FBXO42: variants seen among roughly 807,000 people sequenced by gnomAD.
FBXO42 encodes the protein F-box only protein 42.
FBXO42 carries 12 observed loss-of-function variants against 71.7 expected under a neutral mutation model. The ratio of observed to expected loss-of-function variants is 0.17; its 90% CI spans 0.11 to 0.27. The LOEUF is 0.27. FBXO42 is among the 10% of genes least tolerant of loss of function. FBXO42 has a pLI of 1.00. For missense variants in FBXO42, 707 were observed against 911.9 expected (o/e 0.78, Z 2.89); for synonymous variants, 325 against 327.5 (o/e 0.99, Z 0.08).
intron 3 of FBXO42, among the ~76,000 whole-genome samples, chr1:16,297,529 C>T (rs1479997994): frequency 6.6e-6 from 1 of 152,136 alleles, no homozygotes; most frequent in Non-Finnish European, 1.5e-5. Context: ...TAGGCTCACA[C>T]CTGCAAAATA....
chr1:16,309,376 C>A (rs2082289336), intron 2 of FBXO42, among the ~76,000 whole-genome samples: 2 of 151,648 alleles, frequency 1.3e-5, no homozygotes, highest in Admixed American at 1.3e-4. Context: ...CGCGCCTGGC[C>A]AACCCCATCT....
chr1:16,270,853 A>C (rs1177540820), intron 4 of FBXO42, among the ~76,000 whole-genome samples: 2 of 151,622 alleles, frequency 1.3e-5, no homozygotes, highest in African/African-American at 4.8e-5. Flanking sequence ...GCAGTGACTA[A>C]AACAGACAAA....
intron 3 of FBXO42, among the ~76,000 whole-genome samples, chr1:16,295,304 T>C (rs988639130): frequency 3.3e-5 from 5 of 152,304 alleles, no homozygotes; most frequent in African/African-American, 1.2e-4. Flanking sequence ...ATGTACTCTG[T>C]CCTCCCATTC....
At chr1:16,325,405 C>CA (rs202228189) in intron 1 of FBXO42, among the ~76,000 whole-genome samples, 36 of 148,858 alleles carry the variant, frequency 2.4e-4, no homozygotes, top group African/African-American at 4.9e-4. Flanking sequence ...ATGTTTTGAC[C>CA]AAAAAAAAAG....
At chr1:16,310,013 G>A (rs1187617069) in intron 2 of FBXO42, among the ~76,000 whole-genome samples, 1 of 151,926 alleles carries the variant, frequency 6.6e-6, no homozygotes, top group Non-Finnish European at 1.5e-5. Context: ...GGCTAACACA[G>A]TGAAACCCCG....
intron 3 of FBXO42, among the ~76,000 whole-genome samples, chr1:16,295,134 A>G (rs2082115454): frequency 6.6e-6 from 1 of 152,226 alleles, no homozygotes; most frequent in Non-Finnish European, 1.5e-5. Context: ...ATTTCTGAGC[A>G]CACTAAGCAA....
At chr1:16,348,173 C>T (rs1401098408) in intron 1 of FBXO42, among the ~76,000 whole-genome samples, 1 of 152,074 alleles carries the variant, frequency 6.6e-6, no homozygotes, top group Non-Finnish European at 1.5e-5. Context: ...CCATCAGCCG[C>T]AACTTTAGAT....
At chr1:16,312,835 T>C (rs1446865791) in intron 2 of FBXO42, among the ~76,000 whole-genome samples, 1 of 151,234 alleles carries the variant, frequency 6.6e-6, no homozygotes, top group Non-Finnish European at 1.5e-5. Flanking sequence ...CTGTCTGTCA[T>C]CCAGACTCGA....
intron 1 of FBXO42, 23 bp downstream of exon 1, chr1:16,352,232 C>T (rs2082708624): frequency 5.1e-6 from 2 of 394,378 alleles, no homozygotes; most frequent in East Asian, 3.6e-5. Flanking sequence ...CCTCTGCGGC[C>T]CGGGGAGGAG....
chr1:16,318,754 T>C (rs1226262341), intron 1 of FBXO42, among the ~76,000 whole-genome samples: 1 of 152,156 alleles, frequency 6.6e-6, no homozygotes, highest in African/African-American at 2.4e-5. Flanking sequence ...AGCAGCAGGA[T>C]TGGGCAAGAG....
rs2081604083 is a variant in FBXO42 at position 16,252,521 on chromosome 1, CAGA to C, written c.922-120_922-118del. On this transcript the variant is annotated intron_variant, in intron 8 of 9. Transcript: ENST00000375592. This position sits in a 1 kb window ranked among gnomAD's most constrained non-coding sequence, Gnocchi z 4.4. ...TGGTCTTGAAAGGATGTGGACTCTT[CAGA>C]AGGATAGCAAAATCCTCAGTTAATT... 23 of 751,808 alleles carry C rather than the reference CAGA, an allele frequency of 3.1e-5. No homozygotes were observed. In the South Asian group the frequency reaches 3.8e-4, roughly 12 times the overall value. 46.6% of individuals were successfully genotyped at this position (751,808 alleles called of 1,614,324 possible).
intron 3 of FBXO42, among the ~76,000 whole-genome samples, chr1:16,297,643 T>C (rs911919188): frequency 6.9e-6 from 1 of 144,556 alleles, no homozygotes; most frequent in Non-Finnish European, 1.5e-5. Context: ...AGGCAGATCA[T>C]GAAGTCAGCA....
chr1:16,352,229 G>C (rs1255971387), intron 1 of FBXO42, 26 bp downstream of exon 1: 6 of 394,070 alleles, frequency 1.5e-5, no homozygotes, highest in African/African-American at 2.1e-5. Context: ...TCCCCTCTGC[G>C]GCCCGGGGAG....
At chr1:16,266,180 GT>G (rs199758833) in intron 4 of FBXO42, among the ~76,000 whole-genome samples, 77 of 151,852 alleles carry the variant, frequency 5.1e-4, no homozygotes, top group Non-Finnish European at 9.3e-4. Flanking sequence ...TCAAAGTATA[GT>G]TTTTTTTAAA....
intron 4 of FBXO42, among the ~76,000 whole-genome samples, chr1:16,272,144 G>T (rs2081853603): frequency 1.8e-5 from 2 of 110,552 alleles, no homozygotes; most frequent in Admixed American, 1.1e-4. Flanking sequence ...GACAGAGCAA[G>T]ACTCCGTCCC....
intron 2 of FBXO42, among the ~76,000 whole-genome samples, chr1:16,313,647 T>A (rs1370738014): frequency 6.6e-6 from 1 of 152,152 alleles, no homozygotes; most frequent in East Asian, 1.9e-4. Flanking sequence ...GCCCTCTAGG[T>A]GGACTTTGGG....
At chr1:16,322,563 G>A (rs901437913) in intron 1 of FBXO42, among the ~76,000 whole-genome samples, 1 of 152,060 alleles carries the variant, frequency 6.6e-6, no homozygotes, top group Non-Finnish European at 1.5e-5. Flanking sequence ...GCAACAGAGC[G>A]AGACTCTGTC....
Position 16,250,729 on chromosome 1 carries a change from G to C in FBXO42, c.2095C>G (p.Gln699Glu), listed in dbSNP as rs942948100. Residue 699 changes from glutamine (Q) to glutamate (E), a missense_variant, in exon 10 of 10, where the codon CAG becomes GAG. Transcript: ENST00000375592. This position sits in a 1 kb window ranked among gnomAD's most constrained non-coding sequence, Gnocchi z 4.7. ...IIFGGLMDKK[Q>E]NVKYYPKTNA... ...GTTTTTGGATAGTACTTCACATTCT[G>C]TTTCTTGTCCATGAGTCCTCCAAAT... 7 of 1,614,010 alleles carry C rather than the reference G, an allele frequency of 4.3e-6. No individual in the cohort carries two copies. The highest frequency in any genetic ancestry group is 5.9e-6 in the Non-Finnish European group (7 of 1,180,046).
intron 1 of FBXO42, among the ~76,000 whole-genome samples, chr1:16,344,245 G>A (rs954913578): frequency 4.6e-5 from 7 of 151,390 alleles, no homozygotes; most frequent in East Asian, 1.9e-4. Flanking sequence ...TGATCCACCC[G>A]TCTCAGCCTC....
Sources: gnomAD v4.1 joint callset for allele counts (sites outside exome capture counted in the v4.1 genomes callset) on GRCh38, gnomAD v4.1.1 for gene constraint, Gnocchi (gnomAD v3.1) non-coding constraint, MANE v1.5 for transcripts, NCBI Gene and HGNC (gene_info 2026-07-23, HGNC 2026-07-21) for gene names.